The following SLC39A11 variants were observed in gnomAD, a reference collection of about 807,000 sequenced individuals.
SLC39A11 encodes the protein solute carrier family 39 member 11.
SLC39A11 carries 33 observed loss-of-function variants against 36.1 expected under a neutral mutation model. That is an observed-to-expected ratio of 0.91 (90% confidence interval 0.69 to 1.22). The LOEUF (loss-of-function observed/expected upper bound fraction) is 1.22. Among genes scored for constraint, SLC39A11 ranks in the 50% most tolerant of loss-of-function variants. The pLI is 0.00. For synonymous variants in SLC39A11, 166 were observed against 170.3 expected (o/e 0.97, Z 0.20); for missense variants, 432 against 430.3 (o/e 1.00, Z -0.03).
chr17:72,965,732 G>A (rs2086924130), intron 4 of SLC39A11, among the ~76,000 whole-genome samples: 1 of 152,200 alleles, frequency 6.6e-6, no homozygotes, highest in Admixed American at 6.5e-5. Flanking sequence ...GGCTTAATGT[G>A]TGGAAAAGAT....
At chr17:72,929,969 T>A (rs1362498978) in intron 5 of SLC39A11, among the ~76,000 whole-genome samples, 2 of 152,186 alleles carry the variant, frequency 1.3e-5, no homozygotes. Flanking sequence ...TGCGAGGATA[T>A]TAAATGGGGA....
chr17:72,648,030 T>C (rs2069647680), intron 9 of SLC39A11, among the ~76,000 whole-genome samples: 1 of 151,926 alleles, frequency 6.6e-6, no homozygotes, highest in Non-Finnish European at 1.5e-5. Flanking sequence ...GAGTTATTCT[T>C]CTATAAAAAC....
chr17:73,056,029 A>G (rs532047194), intron 3 of SLC39A11, among the ~76,000 whole-genome samples: 2 of 152,254 alleles, frequency 1.3e-5, no homozygotes, highest in African/African-American at 2.4e-5. Context: ...GGTGCCCACT[A>G]TGGGGCACAG....
At chr17:72,753,363 C>T (rs2075228873) in intron 6 of SLC39A11, among the ~76,000 whole-genome samples, 1 of 152,146 alleles carries the variant, frequency 6.6e-6, no homozygotes, top group Non-Finnish European at 1.5e-5. Context: ...TTCCAGATAA[C>T]CTGCTTGGCC....
chr17:72,719,148 G>A (rs542654473), intron 7 of SLC39A11, among the ~76,000 whole-genome samples: 6 of 152,164 alleles, frequency 3.9e-5, no homozygotes, highest in East Asian at 3.9e-4. Context: ...TTGGGAGGCC[G>A]AGGCATGAGA....
At chr17:72,858,800 A>T (rs984924056) in intron 5 of SLC39A11, among the ~76,000 whole-genome samples, 3 of 152,194 alleles carry the variant, frequency 2.0e-5, no homozygotes, top group African/African-American at 7.2e-5. Flanking sequence ...GGCATATAGA[A>T]ATACTAGTGA....
chr17:73,033,065 G>C (rs189194094), intron 3 of SLC39A11, among the ~76,000 whole-genome samples: 1 of 152,112 alleles, frequency 6.6e-6, no homozygotes, highest in Non-Finnish European at 1.5e-5. Context: ...TCAGATCATC[G>C]GGCATTAGAG....
chr17:72,842,028 C>T lies in SLC39A11; in HGVS notation c.601+7606G>A, dbSNP rs1377138728. 2.0e-5 allele frequency among the ~76,000 whole-genome samples: 3 copies of T among 152,162 alleles called. No individual in the cohort carries two copies. In the East Asian group the frequency reaches 5.8e-4, roughly 29 times the overall value. ...GAGGCCGCAGTGAGCCATGATCACACCACTGCACTCCAGCCTGAGTGACAG... is the reference window on the plus strand; with the variant it reads ...GAGGCCGCAGTGAGCCATGATCACATCACTGCACTCCAGCCTGAGTGACAG... On this transcript the variant is annotated intron_variant, in intron 6 of 9. Transcript: ENST00000255559.
At position 72,860,912 on chromosome 17, in the gene SLC39A11, C is replaced by T. The variant is rs143943428; in HGVS notation, c.431-11108G>A. 5.0e-3 allele frequency among the ~76,000 whole-genome samples: 762 copies of T among 152,230 alleles called. 11 individuals are homozygous for T. The highest frequency in any genetic ancestry group is 0.017 in the African/African-American group (718 of 41,528). On this transcript the variant is annotated intron_variant, in intron 5 of 9. Coordinates refer to ENST00000255559, the MANE Select transcript of SLC39A11 (RefSeq NM_139177.4). ...CGCCTCAGTTTATGCACTTGCCAAA[C>T]GAGGGTAATAGTATTACCCACTCTA... is the stretch of plus-strand genomic sequence containing the variant.
chr17:72,837,806 A>G (rs1257369608), intron 6 of SLC39A11: 2 of 517,268 alleles, frequency 3.9e-6, no homozygotes, highest in Non-Finnish European at 5.8e-6. Context: ...TACATATTAC[A>G]TGATACCGTT....
intron 7 of SLC39A11, among the ~76,000 whole-genome samples, chr17:72,714,126 C>T (rs1268018122): frequency 2.6e-5 from 4 of 152,104 alleles, no homozygotes; most frequent in Non-Finnish European, 2.9e-5. Context: ...GAGGCCGAGG[C>T]GGGTGGATGA....
At chr17:72,938,290 T>C (rs767477336) in intron 5 of SLC39A11, among the ~76,000 whole-genome samples, 37 of 152,210 alleles carry the variant, frequency 2.4e-4, no homozygotes, top group Non-Finnish European at 3.5e-4. Context: ...TTTAGGGAAG[T>C]GTTACATGGG....
At chr17:73,021,172 G>A (rs1028382732) in intron 4 of SLC39A11, among the ~76,000 whole-genome samples, 2 of 151,988 alleles carry the variant, frequency 1.3e-5, no homozygotes, top group African/African-American at 2.4e-5. Context: ...CCAGCACCAC[G>A]ATCAATCCCA....
At chr17:73,016,799 C>G (rs891023802) in intron 4 of SLC39A11, among the ~76,000 whole-genome samples, 7 of 152,248 alleles carry the variant, frequency 4.6e-5, no homozygotes, top group Non-Finnish European at 1.0e-4. Context: ...CCATGAGGGT[C>G]AGCCTTCAGT....
intron 5 of SLC39A11, among the ~76,000 whole-genome samples, chr17:72,889,702 T>A (rs1261664036): frequency 6.6e-6 from 1 of 152,224 alleles, no homozygotes; most frequent in Non-Finnish European, 1.5e-5. Context: ...TTTACTTCCA[T>A]CTAAATTAAG....
chr17:72,947,933 G>T, intron 4 of SLC39A11, 58 bp from the exon 5 acceptor site: 1 of 1,595,458 alleles, frequency 6.3e-7, no homozygotes, highest in South Asian at 1.1e-5. Flanking sequence ...TTCCCCAGAT[G>T]CTTCTGGCTC....
At chr17:72,722,291 A>C (rs1340279259) in intron 7 of SLC39A11, among the ~76,000 whole-genome samples, 1 of 152,196 alleles carries the variant, frequency 6.6e-6, no homozygotes, top group Non-Finnish European at 1.5e-5. Context: ...ACAGGGAAGC[A>C]AAAGTCAAGG....
intron 6 of SLC39A11, among the ~76,000 whole-genome samples, chr17:72,816,865 C>A (rs1300147081): frequency 6.6e-6 from 1 of 152,116 alleles, no homozygotes; most frequent in Non-Finnish European, 1.5e-5. Flanking sequence ...GAACAGAGTT[C>A]TTTTTCCAAA....
rs1024747655 is a variant in SLC39A11, at chr17:72,949,253, C to T, written c.307-1378G>A. On this transcript the variant is annotated intron_variant, in intron 4 of 9. Transcript: ENST00000255559. The stretch of plus-strand genomic sequence containing the variant: ...CAGCTCACAGCAACCTCTGCCCCAC[C>T]GTGTTCAAGCAATTCTCCTGCCTCA... 9.8e-5 allele frequency among the ~76,000 whole-genome samples: 14 copies of T among 142,854 alleles called. No homozygotes were observed. The East Asian group carries it at 1.7e-3, about 18-fold the overall frequency. The allele number at this position is 142,854 out of a possible 152,430, so 93.7% of individuals were successfully genotyped here. A position where few individuals can be genotyped will look rare whatever the true frequency, so the allele number is the denominator to read the frequency against.
Sources: gnomAD v4.1 joint callset for allele counts (sites outside exome capture counted in the v4.1 genomes callset) on GRCh38, gnomAD v4.1.1 for gene constraint, MANE v1.5 for transcripts, NCBI Gene and HGNC (gene_info 2026-07-23, HGNC 2026-07-21) for gene names.